Variants in CAMTA1 observed in about 807,000 individuals in gnomAD.
CAMTA1 encodes calmodulin-binding transcription activator 1.
In CAMTA1, 27 loss-of-function variants were observed where a neutral mutation model predicts 170.9. The ratio of observed to expected loss-of-function variants is 0.16; its 90% CI spans 0.12 to 0.22. CAMTA1 has a LOEUF of 0.22. CAMTA1 is among the 10% of genes least tolerant of loss of function. CAMTA1 has a pLI of 1.00. For missense variants in CAMTA1, 1,619 were observed against 2,217.2 expected, an observed-to-expected ratio of 0.73 and a Z score of 5.42; for synonymous variants, 833 against 891.5, an observed-to-expected ratio of 0.93 and a Z score of 1.17.
chr1:6,884,139 C>T (rs952646406), intron 3 of CAMTA1, among the ~76,000 whole-genome samples: 1 of 151,902 alleles, frequency 6.6e-6, no homozygotes, highest in Admixed American at 6.6e-5. Context: ...AAGGATTGGC[C>T]GTGTAGATCT....
intron 4 of CAMTA1, among the ~76,000 whole-genome samples, chr1:7,232,079 G>A (rs983654517): frequency 6.6e-5 from 10 of 152,316 alleles, no homozygotes; most frequent in Middle Eastern, 3.4e-3. Flanking sequence ...CTGAGTGGGT[G>A]GTCCCCGCAG....
chr1:6,926,455 TC>T (rs572760209), intron 3 of CAMTA1, among the ~76,000 whole-genome samples: 1 of 115,810 alleles, frequency 8.6e-6, no homozygotes, highest in Non-Finnish European at 1.7e-5. Context: ...TTTCTTTCTT[TC>T]TTTCTTTCTT....
At chr1:6,941,495 C>A (rs66495811) in intron 3 of CAMTA1, among the ~76,000 whole-genome samples, 1 of 151,966 alleles carries the variant, frequency 6.6e-6, no homozygotes, top group Admixed American at 6.6e-5. Context: ...GACACTGACC[C>A]GAGGCACAGA....
chr1:7,193,518 G>A (rs1300705817), intron 4 of CAMTA1, among the ~76,000 whole-genome samples: 1 of 151,802 alleles, frequency 6.6e-6, no homozygotes, highest in Non-Finnish European at 1.5e-5. Context: ...AACAGCTAAA[G>A]TTCAGTGGCA....
rs1380418836 is a variant in CAMTA1, at chr1:7,216,725, G to T, written c.303-32766G>T. On this transcript the variant is annotated intron_variant, in intron 4 of 22. Transcript: ENST00000303635. This position sits in a 1 kb window ranked among gnomAD's most constrained non-coding sequence, Gnocchi z 4.0. ...AGGGTTTTGTCATGTTGGCCAGGCTGGTCTTGAACTCCTGACTTCAAGTGA... is the reference window on the plus strand; with the variant it reads ...AGGGTTTTGTCATGTTGGCCAGGCTTGTCTTGAACTCCTGACTTCAAGTGA... Among the ~76,000 whole-genome samples the T allele has an allele frequency of 6.6e-6, 1 of 152,074 alleles. No homozygotes were observed. The highest frequency in any genetic ancestry group is 1.5e-5 in the Non-Finnish European group (1 of 68,022).
In CAMTA1 at chr1:7,180,511, C is replaced by CTTTTTTTTTT. The variant is rs397862259; in HGVS notation, c.303-68965_303-68956dup. 4.2e-5 allele frequency among the ~76,000 whole-genome samples: 3 copies of CTTTTTTTTTT among 71,180 alleles called. 1 individual carries two copies. Among genetic ancestry groups the CTTTTTTTTTT allele is most frequent in the Non-Finnish European group, 7.2e-5 (3 of 41,554 alleles). The allele number at this position is 71,180 out of a possible 152,430, so 46.7% of individuals were successfully genotyped here. A position where few individuals can be genotyped will look rare whatever the true frequency, so the allele number is the denominator to read the frequency against. On this transcript the variant is annotated intron_variant, in intron 4 of 22. Coordinates refer to ENST00000303635, the MANE Select transcript of CAMTA1 (RefSeq NM_015215.4). The stretch of plus-strand genomic sequence containing the variant: ...AGGAACTACCCCAAATGTCACTAGA[C>CTTTTTTTTTT]TTTTTTTTTTTTTTTTTTTTTTTTG...
chr1:7,601,713 C>T (rs1485351968), intron 6 of CAMTA1, among the ~76,000 whole-genome samples: 3 of 152,230 alleles, frequency 2.0e-5, no homozygotes, highest in African/African-American at 4.8e-5. Context: ...CCGAGGCTGG[C>T]GGATCCCTCG....
chr1:7,400,243 G>A (rs1347862297), intron 5 of CAMTA1, among the ~76,000 whole-genome samples: 1 of 152,018 alleles, frequency 6.6e-6, no homozygotes, highest in East Asian at 1.9e-4. Context: ...ATTTCTACTT[G>A]ATCTAGTCTG....
intron 6 of CAMTA1, among the ~76,000 whole-genome samples, chr1:7,478,147 C>A (rs912090146): frequency 6.6e-6 from 1 of 152,196 alleles, no homozygotes; most frequent in Non-Finnish European, 1.5e-5. Flanking sequence ...CCACCAGGAC[C>A]CTTTCCAGCA....
At chr1:7,102,793 GCT>G (rs1642896686) in intron 4 of CAMTA1, among the ~76,000 whole-genome samples, 1 of 152,260 alleles carries the variant, frequency 6.6e-6, no homozygotes, top group African/African-American at 2.4e-5. Context: ...GGTTGACCGT[GCT>G]CTGTTTGGGG....
intron 5 of CAMTA1, among the ~76,000 whole-genome samples, chr1:7,406,874 T>G (rs1557663526): frequency 1.3e-5 from 2 of 152,066 alleles, no homozygotes; most frequent in Non-Finnish European, 2.9e-5. Context: ...TTTCTGCCAG[T>G]TTTCTTTCTG....
intron 6 of CAMTA1, among the ~76,000 whole-genome samples, chr1:7,639,758 G>C (rs1055147636): frequency 6.7e-6 from 1 of 149,468 alleles, no homozygotes; most frequent in African/African-American, 2.6e-5. Context: ...ACGATGGAGT[G>C]AGACTCTGTC....
chr1:7,266,188 C>T (rs766344044), intron 5 of CAMTA1, among the ~76,000 whole-genome samples: 8 of 151,182 alleles, frequency 5.3e-5, no homozygotes, highest in South Asian at 2.1e-4. Flanking sequence ...GTCTGCAGAG[C>T]GGGGGCGTGC....
Position 7,592,678 on chromosome 1 carries a change from G to T in CAMTA1, c.511-47722G>T, listed in dbSNP as rs1036395723. ...TTGCCTCTGGGAGGCTTTGGGTCAGGTCGGAAGCTTGTCTGTGCCCTGAAC... is the reference window on the plus strand; with the variant it reads ...TTGCCTCTGGGAGGCTTTGGGTCAGTTCGGAAGCTTGTCTGTGCCCTGAAC... On this transcript the variant is annotated intron_variant, in intron 6 of 22. Coordinates refer to ENST00000303635, the MANE Select transcript of CAMTA1 (RefSeq NM_015215.4). This position sits in a 1 kb window ranked among gnomAD's most constrained non-coding sequence, Gnocchi z 4.6. 2.0e-5 allele frequency among the ~76,000 whole-genome samples: 3 copies of T among 152,078 alleles called. No individual in the cohort carries two copies. The highest frequency in any genetic ancestry group is 1.5e-5 in the Non-Finnish European group (1 of 68,020).
intron 6 of CAMTA1, among the ~76,000 whole-genome samples, chr1:7,636,664 A>T (rs1283430493): frequency 6.6e-6 from 1 of 151,888 alleles, no homozygotes; most frequent in Non-Finnish European, 1.5e-5. Context: ...AGCCGAGATC[A>T]TGCCATTGCA....
At chr1:7,666,148 G>A (rs1339959321) in intron 9 of CAMTA1, among the ~76,000 whole-genome samples, 1 of 148,776 alleles carries the variant, frequency 6.7e-6, no homozygotes, top group African/African-American at 2.5e-5. Context: ...CAGCCTGGGC[G>A]ACAAGAATGA....
intron 5 of CAMTA1, among the ~76,000 whole-genome samples, chr1:7,405,944 G>C (rs1232179357): frequency 1.3e-5 from 2 of 152,176 alleles, no homozygotes; most frequent in Non-Finnish European, 2.9e-5. Context: ...GGGGATTTGG[G>C]GGATTTTGCT....
chr1:7,084,892 C>T (rs1640527098), intron 3 of CAMTA1, among the ~76,000 whole-genome samples: 1 of 152,204 alleles, frequency 6.6e-6, no homozygotes, highest in East Asian at 1.9e-4. Context: ...TTAGTAAAAT[C>T]ATACTCTCTT....
chr1:7,145,248 C>T (rs1001916208), intron 4 of CAMTA1, among the ~76,000 whole-genome samples: 7 of 152,248 alleles, frequency 4.6e-5, no homozygotes, highest in African/African-American at 1.4e-4. Context: ...TTCCGCACCG[C>T]TCCTCTGCGG....
Sources: gnomAD v4.1 joint callset for allele counts (sites outside exome capture counted in the v4.1 genomes callset) on GRCh38, gnomAD v4.1.1 for gene constraint, Gnocchi (gnomAD v3.1) non-coding constraint, MANE v1.5 for transcripts, NCBI Gene and HGNC (gene_info 2026-07-23, HGNC 2026-07-21) for gene names.